PDE4D: variants seen among roughly 807,000 people sequenced by gnomAD.
PDE4D encodes 3',5'-cyclic-AMP phosphodiesterase 4D.
PDE4D carries 24 observed loss-of-function variants against 87.4 expected under a neutral mutation model. The ratio of observed to expected loss-of-function variants is 0.27; its 90% CI spans 0.20 to 0.39. The LOEUF (loss-of-function observed/expected upper bound fraction) is 0.39, where lower values mean the gene tolerates loss of function less well. Ranked by LOEUF, PDE4D falls within the 10% of genes least tolerant of loss-of-function variation. The pLI is 1.00. For missense variants in PDE4D, 714 were observed against 1,041.0 expected (o/e 0.69, Z 4.32); for synonymous variants, 384 against 383.2 (o/e 1.00, Z -0.02).
At chr5:60,208,966 A>G (rs1302893973) in intron 1 of PDE4D, among the ~76,000 whole-genome samples, 1 of 152,114 alleles carries the variant, frequency 6.6e-6, no homozygotes, top group African/African-American at 2.4e-5. Context: ...CAAGCATGAA[A>G]AGGTGAAGGA....
chr5:60,290,790 G>C (rs1752825365), intron 1 of PDE4D, among the ~76,000 whole-genome samples: 1 of 152,188 alleles, frequency 6.6e-6, no homozygotes. Context: ...TAGGCAATCA[G>C]AGTGAGACCC....
chr5:59,605,999 G>A (rs889012674), intron 1 of PDE4D, among the ~76,000 whole-genome samples: 1 of 151,644 alleles, frequency 6.6e-6, no homozygotes, highest in Non-Finnish European at 1.5e-5. Flanking sequence ...TCTTTTTCAG[G>A]GAGAACTATA....
intron 3 of PDE4D, among the ~76,000 whole-genome samples, chr5:59,907,672 G>A (rs879325465): frequency 1.3e-5 from 2 of 152,044 alleles, no homozygotes; most frequent in Admixed American, 6.6e-5. Flanking sequence ...TTCTCTCTGC[G>A]TTTAAATACT....
chr5:59,215,698 G>T, intron 2 of PDE4D, 79 bp downstream of exon 2: 1 of 1,209,478 alleles, frequency 8.3e-7, no homozygotes, highest in South Asian at 1.2e-5. Flanking sequence ...TTGAACAAAA[G>T]TCATTAGTTT....
chr5:59,154,882 C>T (rs1456425282), intron 5 of PDE4D, among the ~76,000 whole-genome samples: 1 of 152,078 alleles, frequency 6.6e-6, no homozygotes, highest in Non-Finnish European at 1.5e-5. Flanking sequence ...TGAGACAACT[C>T]TGTTTCAAAA....
chr5:59,157,798 G>T (rs770144469), intron 5 of PDE4D, among the ~76,000 whole-genome samples: 1 of 152,182 alleles, frequency 6.6e-6, no homozygotes, highest in Non-Finnish European at 1.5e-5. Context: ...ACTACCATAT[G>T]CCAATAACTG....
At chr5:59,716,277 G>T (rs1580639707) in intron 1 of PDE4D, among the ~76,000 whole-genome samples, 1 of 152,174 alleles carries the variant, frequency 6.6e-6, no homozygotes, top group South Asian at 2.1e-4. Flanking sequence ...GTACAACTAC[G>T]CTGCTGACGC....
At chr5:59,072,636 C>T (rs1765035953) in intron 5 of PDE4D, among the ~76,000 whole-genome samples, 1 of 152,150 alleles carries the variant, frequency 6.6e-6, no homozygotes, top group African/African-American at 2.4e-5. Flanking sequence ...TGCCTATAAA[C>T]ATCCATTGAT....
rs548107068 is a variant in PDE4D at position 59,031,600 on chromosome 5, C to A, written c.921+7259G>T. 3.5e-5 allele frequency among the ~76,000 whole-genome samples: 5 copies of A among 144,152 alleles called. No homozygotes were observed. In the South Asian group the frequency reaches 1.1e-3, roughly 31 times the overall value. 94.6% of individuals were successfully genotyped at this position (144,152 alleles called of 152,430 possible). A position where few individuals can be genotyped will look rare whatever the true frequency, so the allele number is the denominator to read the frequency against. ...GCGGGCGCCTGTAGTCCCAGCTACT[C>A]AGGAGGCTGAGGCAGGAGAATGGCA... On this transcript the variant is annotated intron_variant, in intron 6 of 14. Transcript: ENST00000340635.
intron 2 of PDE4D, among the ~76,000 whole-genome samples, chr5:60,118,336 G>A (rs1038788330): frequency 5.3e-5 from 8 of 152,050 alleles, no homozygotes; most frequent in African/African-American, 2.4e-5. Context: ...TCATGCTTCC[G>A]CTTTTGTTCC....
At chr5:60,104,429 G>A (rs966216500) in intron 2 of PDE4D, among the ~76,000 whole-genome samples, 6 of 152,220 alleles carry the variant, frequency 3.9e-5, no homozygotes, top group African/African-American at 7.2e-5. Context: ...ACCTCTGGGG[G>A]CAGGGCACAG....
At chr5:59,532,045 GA>G (rs1310094718) in intron 1 of PDE4D, among the ~76,000 whole-genome samples, 1 of 152,112 alleles carries the variant, frequency 6.6e-6, no homozygotes, top group Non-Finnish European at 1.5e-5. Flanking sequence ...ATTTATTTCA[GA>G]AAATTAATGA....
intron 1 of PDE4D, among the ~76,000 whole-genome samples, chr5:59,282,193 A>C (rs1561875374): frequency 6.6e-6 from 1 of 152,290 alleles, no homozygotes; most frequent in South Asian, 2.1e-4. Context: ...TCCTAACTCT[A>C]TATACCAATC....
intron 3 of PDE4D, among the ~76,000 whole-genome samples, chr5:59,968,026 C>T (rs1760255397): frequency 7.3e-6 from 1 of 137,354 alleles, no homozygotes; most frequent in Non-Finnish European, 1.5e-5. Context: ...CTCTTATTGC[C>T]CAGGCTGGAG....
intron 1 of PDE4D, among the ~76,000 whole-genome samples, chr5:59,575,436 A>G (rs1448897837): frequency 6.6e-6 from 1 of 152,216 alleles, no homozygotes; most frequent in East Asian, 1.9e-4. Context: ...AAAGTGAATG[A>G]GCTAGTTATT....
intron 1 of PDE4D, among the ~76,000 whole-genome samples, chr5:60,461,539 G>T (rs1156944721): frequency 6.6e-6 from 1 of 152,212 alleles, no homozygotes; most frequent in Admixed American, 6.5e-5. Context: ...AGAAGTATCT[G>T]GGAATTATAA....
At chr5:60,390,058 G>A (rs746908712) in intron 1 of PDE4D, among the ~76,000 whole-genome samples, 6 of 152,096 alleles carry the variant, frequency 3.9e-5, no homozygotes, top group Non-Finnish European at 8.8e-5. Flanking sequence ...CCCACTTCCC[G>A]GGGCAAGTGT....
intron 1 of PDE4D, among the ~76,000 whole-genome samples, chr5:60,273,209 G>A (rs1215271163): frequency 2.6e-5 from 4 of 152,046 alleles, no homozygotes; most frequent in African/African-American, 9.7e-5. Flanking sequence ...CTTGAGAGAG[G>A]CAGGGTCAAG....
At chr5:59,792,673 C>G (rs1323164155) in intron 1 of PDE4D, among the ~76,000 whole-genome samples, 2 of 152,012 alleles carry the variant, frequency 1.3e-5, no homozygotes, top group African/African-American at 4.8e-5. Context: ...CAAAATAAGG[C>G]CTCTTTGGAA....
Sources: gnomAD v4.1 joint callset for allele counts (sites outside exome capture counted in the v4.1 genomes callset) on GRCh38, gnomAD v4.1.1 for gene constraint, MANE v1.5 for transcripts, NCBI Gene and HGNC (gene_info 2026-07-23, HGNC 2026-07-21) for gene names.